The following R3HDM1 variants were observed in gnomAD, a reference collection of about 807,000 sequenced individuals.
R3HDM1 encodes the protein R3H domain containing 1.
R3HDM1 carries 46 observed loss-of-function variants against 141.1 expected under a neutral mutation model. The ratio of observed to expected loss-of-function variants is 0.33; its 90% CI spans 0.26 to 0.42. The LOEUF is 0.42. Ranked by LOEUF, R3HDM1 falls within the 10% of genes least tolerant of loss-of-function variation. R3HDM1 has a pLI of 1.00. For missense variants in R3HDM1, 1,184 were observed against 1,368.3 expected (o/e 0.87, Z 2.12); for synonymous variants, 435 against 472.9 (o/e 0.92, Z 1.04).
chr2:135,577,525 G>A (rs901842869), intron 1 of R3HDM1, among the ~76,000 whole-genome samples: 5 of 151,508 alleles, frequency 3.3e-5, no homozygotes, highest in Admixed American at 3.3e-4. Flanking sequence ...TGAAAATTGG[G>A]CCTTAAGCAC....
At chr2:135,709,935 T>C in intron 22 of R3HDM1, 124 bp from the exon 23 acceptor site, 1 of 1,025,798 alleles carries the variant, frequency 9.7e-7, no homozygotes, top group Non-Finnish European at 1.4e-6. Context: ...TTCAACCTGG[T>C]TTTCTTAGTT....
At chr2:135,549,818 A>T in intron 1 of R3HDM1, 1 of 297,322 alleles carries the variant, frequency 3.4e-6, no homozygotes, top group Non-Finnish European at 5.0e-6. Context: ...GATAGCTGGT[A>T]GAGACAAACA....
rs1705637659 is a variant in R3HDM1 at position 135,577,178 on chromosome 2, T to C, written c.-249-25322T>C. On this transcript the variant is annotated intron_variant, in intron 1 of 26. Coordinates refer to ENST00000683871, the MANE Select transcript of R3HDM1 (RefSeq NM_001378107.1). ...AAGGCTTTTGGGCTATGACTCAAAATGCAGAGACAACCAAAGATTGACAAA... is the reference window on the plus strand; with the variant it reads ...AAGGCTTTTGGGCTATGACTCAAAACGCAGAGACAACCAAAGATTGACAAA... The C allele has an allele frequency of 3.1e-6, 3 of 983,436 alleles. No individual in the cohort carries two copies. The African/African-American group carries it at 5.3e-5, about 17-fold the overall frequency. 60.9% of individuals were successfully genotyped at this position (983,436 alleles called of 1,614,324 possible).
intron 21 of R3HDM1, among the ~76,000 whole-genome samples, chr2:135,701,740 T>A (rs925052439): frequency 6.6e-6 from 1 of 152,204 alleles, no homozygotes; most frequent in African/African-American, 2.4e-5. Flanking sequence ...TTCATGCTAC[T>A]CATAATGACA....
intron 11 of R3HDM1, 146 bp from the exon 12 acceptor site, chr2:135,638,472 A>C (rs1336405633): frequency 1.3e-6 from 1 of 769,448 alleles, no homozygotes; most frequent in Non-Finnish European, 2.0e-6. Flanking sequence ...CAGAAAAAAA[A>C]TTCCATTATT....
Position 135,638,664 on chromosome 2 carries a change from A to G in R3HDM1, c.941+9A>G, listed in dbSNP as rs369823030. 4.6e-5 allele frequency: 74 copies of G among 1,610,770 alleles called. No individual in the cohort carries two copies. The highest frequency in any genetic ancestry group is 3.6e-4 in the East Asian group (16 of 44,842). On this transcript the variant is annotated intron_variant, in intron 12 of 26. Transcript: ENST00000683871. ...TACATTATTGACAAAAGGTGAGGGA[A>G]TTTTTAACATCTGTTTTGGTAATTG...
intron 1 of R3HDM1, among the ~76,000 whole-genome samples, chr2:135,572,645 G>T (rs551986400): frequency 2.2e-4 from 33 of 152,324 alleles, no homozygotes; most frequent in South Asian, 4.1e-4. Flanking sequence ...TACCCAACAA[G>T]TCAACCCAGA....
intron 26 of R3HDM1, 62 bp from the exon 27 acceptor site, chr2:135,723,875 G>C: frequency 1.5e-6 from 2 of 1,352,040 alleles, no homozygotes; most frequent in Non-Finnish European, 2.1e-6. Context: ...GGTCTGCAGT[G>C]CTTTTTTACC....
intron 1 of R3HDM1, among the ~76,000 whole-genome samples, chr2:135,539,005 C>A (rs1350275503): frequency 2.6e-5 from 4 of 152,116 alleles, no homozygotes; most frequent in Non-Finnish European, 5.9e-5. Context: ...TTAGCATAGG[C>A]CTGCACAGGG....
chr2:135,718,225 T>G (rs986676778), intron 24 of R3HDM1, among the ~76,000 whole-genome samples: 2 of 152,148 alleles, frequency 1.3e-5, no homozygotes, highest in African/African-American at 4.8e-5. Flanking sequence ...CTTCCAGGGA[T>G]GGAAATGTTC....
At chr2:135,683,516 T>C (rs1338596837) in intron 21 of R3HDM1, among the ~76,000 whole-genome samples, 1 of 142,574 alleles carries the variant, frequency 7.0e-6, no homozygotes, top group East Asian at 2.1e-4. Flanking sequence ...ATCATGCCAC[T>C]GCACTCCAGC....
At chr2:135,607,500 C>G (rs1331680511) in intron 3 of R3HDM1, among the ~76,000 whole-genome samples, 5 of 152,144 alleles carry the variant, frequency 3.3e-5, no homozygotes, top group African/African-American at 1.2e-4. Context: ...ATAGCACTTT[C>G]TAGAACAACA....
chr2:135,562,826 C>T (rs1197999839), intron 1 of R3HDM1, among the ~76,000 whole-genome samples: 1 of 152,168 alleles, frequency 6.6e-6, no homozygotes, highest in Non-Finnish European at 1.5e-5. Flanking sequence ...AGGAAAACGT[C>T]CTGTTTCAAC....
At chr2:135,649,538 A>G (rs141669202) in intron 16 of R3HDM1, among the ~76,000 whole-genome samples, 2 of 152,266 alleles carry the variant, frequency 1.3e-5, no homozygotes, top group East Asian at 3.9e-4. Context: ...CTTTCATAAA[A>G]CCAGGAAATA....
chr2:135,642,867 T>C (rs1417804564), intron 15 of R3HDM1, among the ~76,000 whole-genome samples: 1 of 152,194 alleles, frequency 6.6e-6, no homozygotes, highest in Non-Finnish European at 1.5e-5. Flanking sequence ...TTAGCATAAA[T>C]AACTGATTTT....
chr2:135,613,742 G>A (rs987632257), intron 3 of R3HDM1, among the ~76,000 whole-genome samples: 1 of 152,182 alleles, frequency 6.6e-6, no homozygotes, highest in African/African-American at 2.4e-5. Flanking sequence ...CTTGAACCTG[G>A]GAGGCGGAAG....
intron 21 of R3HDM1, among the ~76,000 whole-genome samples, chr2:135,708,398 T>C (rs1277883867): frequency 1.3e-5 from 2 of 152,348 alleles, no homozygotes; most frequent in East Asian, 3.8e-4. Context: ...CTGTATTCTC[T>C]GTAATTCAGT....
chr2:135,539,770 T>A (rs1697073109), intron 1 of R3HDM1, among the ~76,000 whole-genome samples: 1 of 152,220 alleles, frequency 6.6e-6, no homozygotes, highest in Admixed American at 6.5e-5. Context: ...TAAAAAATTT[T>A]AATCATCTGA....
At chr2:135,562,686 A>AT (rs2104964728) in intron 1 of R3HDM1, among the ~76,000 whole-genome samples, 1 of 152,290 alleles carries the variant, frequency 6.6e-6, no homozygotes, top group Non-Finnish European at 1.5e-5. Context: ...AGTTGAACTT[A>AT]TTTTAAGTGG....
Sources: gnomAD v4.1 joint callset for allele counts (sites outside exome capture counted in the v4.1 genomes callset) on GRCh38, gnomAD v4.1.1 for gene constraint, MANE v1.5 for transcripts, NCBI Gene and HGNC (gene_info 2026-07-23, HGNC 2026-07-21) for gene names.